Variants in KCNH8 observed in about 807,000 individuals in gnomAD.
KCNH8 encodes the protein voltage-gated delayed rectifier potassium channel KCNH8.
A neutral mutation model predicts 103.6 loss-of-function variants in KCNH8; 70 were observed. The ratio of observed to expected loss-of-function variants is 0.68; its 90% CI spans 0.56 to 0.82. The LOEUF (loss-of-function observed/expected upper bound fraction) is 0.82, where lower values mean the gene tolerates loss of function less well. Among genes scored for constraint, KCNH8 ranks in the 40% least tolerant of loss-of-function variants. KCNH8 has a pLI of 0.00. For synonymous variants in KCNH8, 498 were observed against 489.4 expected, an observed-to-expected ratio of 1.02 and a Z score of -0.23; for missense variants, 1,217 against 1,329.9, an observed-to-expected ratio of 0.92 and a Z score of 1.32.
chr3:19,468,106 T>G (rs934409827), intron 11 of KCNH8, among the ~76,000 whole-genome samples: 8 of 152,242 alleles, frequency 5.3e-5, no homozygotes, highest in African/African-American at 1.9e-4. Context: ...GTTTGTCTTT[T>G]TTCATGGCAT....
At chr3:19,397,549 A>G (rs183727891) in intron 7 of KCNH8, among the ~76,000 whole-genome samples, 22,205 of 150,066 alleles carry the variant, frequency 0.15, 1,795 homozygotes, top group East Asian at 0.32. Context: ...ATATATATAT[A>G]TGTGTGTATA....
At chr3:19,211,268 G>A (rs748072403) in intron 1 of KCNH8, among the ~76,000 whole-genome samples, 36 of 152,150 alleles carry the variant, frequency 2.4e-4, no homozygotes, top group Non-Finnish European at 4.9e-4. Context: ...ATGCCATGTA[G>A]AAGTGCATGA....
chr3:19,254,638 AGGGAGAAAT>A (rs2064324311), intron 2 of KCNH8, among the ~76,000 whole-genome samples: 2 of 152,162 alleles, frequency 1.3e-5, no homozygotes, highest in African/African-American at 4.8e-5. Flanking sequence ...TAAATTTAAG[AGGGAGAAAT>A]GGGAGAAATG....
chr3:19,321,932 T>G (rs1190482368), intron 3 of KCNH8, among the ~76,000 whole-genome samples: 2 of 152,172 alleles, frequency 1.3e-5, no homozygotes, highest in Admixed American at 6.5e-5. Flanking sequence ...CATTATATAA[T>G]GTCCTTCTTT....
intron 5 of KCNH8, among the ~76,000 whole-genome samples, chr3:19,371,473 T>C (rs1482464967): frequency 1.3e-5 from 2 of 149,652 alleles, no homozygotes; most frequent in Non-Finnish European, 1.5e-5. Context: ...TTTTTTCTTG[T>C]AAATTTGTTT....
At chr3:19,488,241 G>C (rs968786328) in intron 11 of KCNH8, among the ~76,000 whole-genome samples, 2 of 152,176 alleles carry the variant, frequency 1.3e-5, no homozygotes, top group Admixed American at 1.3e-4. Flanking sequence ...AAGTGTGGGC[G>C]ATTAGACTGG....
chr3:19,265,537 T>C (rs17005808), intron 2 of KCNH8, among the ~76,000 whole-genome samples: 2,094 of 152,134 alleles, frequency 0.014, 36 homozygotes, highest in Non-Finnish European at 0.015. Flanking sequence ...TCCCAGAGTG[T>C]TGGATCCTCA....
intron 1 of KCNH8, among the ~76,000 whole-genome samples, chr3:19,183,113 A>G (rs1204449100): frequency 1.3e-5 from 2 of 152,224 alleles, no homozygotes; most frequent in Non-Finnish European, 2.9e-5. Flanking sequence ...CATTCCCATT[A>G]AAATTTGGGA....
rs187310727 is a variant in KCNH8, at chr3:19,312,106, C to A, written c.443-30481C>A. On this transcript the variant is annotated intron_variant, in intron 3 of 15. Transcript: ENST00000328405. ...AAAATCTGTGGAATTAATATATTAA[C>A]CCAAAATTCATGCCAAGTATACTGC... Among the ~76,000 whole-genome samples the A allele has an allele frequency of 9.1e-3, 1,388 of 151,886 alleles. 82 individuals are homozygous for A. The highest frequency in any genetic ancestry group is 0.087 in the Admixed American group (1,314 of 15,190).
chr3:19,381,203 G>A (rs2066283726), intron 5 of KCNH8, among the ~76,000 whole-genome samples: 2 of 152,102 alleles, frequency 1.3e-5, no homozygotes, highest in South Asian at 2.1e-4. Flanking sequence ...ATAAGCCATT[G>A]GAACAAAATA....
At chr3:19,296,315 G>T (rs1309151499) in intron 3 of KCNH8, among the ~76,000 whole-genome samples, 1 of 152,192 alleles carries the variant, frequency 6.6e-6, no homozygotes, top group Non-Finnish European at 1.5e-5. Flanking sequence ...TGAAAATTTT[G>T]CCCAAGTATT....
chr3:19,503,324 T>C (rs1268561074), intron 11 of KCNH8, among the ~76,000 whole-genome samples: 1 of 152,122 alleles, frequency 6.6e-6, no homozygotes, highest in Non-Finnish European at 1.5e-5. Flanking sequence ...TTTTACACTG[T>C]TGGTGGGACT....
intron 1 of KCNH8, 34 bp downstream of exon 1, chr3:19,148,829 T>C: frequency 1.3e-6 from 2 of 1,572,162 alleles, no homozygotes; most frequent in South Asian, 1.1e-5. Context: ...GGTATGGCAT[T>C]TTCTGAGACT....
rs575625017 is a variant in KCNH8 at position 19,286,233 on chromosome 3, A to T, written c.442+4904A>T. ...ACTGATTCGTGTCACTCCCAAATGT[A>T]TATATTGAAGCCTTAACCCCCAGTT... On this transcript the variant is annotated intron_variant, in intron 3 of 15. Transcript: ENST00000328405. Among the ~76,000 whole-genome samples, 4 of 152,358 alleles carry T rather than the reference A, an allele frequency of 2.6e-5. No homozygotes were observed. In the South Asian group the frequency reaches 8.3e-4, roughly 32 times the overall value.
chr3:19,274,643 C>T (rs905068723), intron 2 of KCNH8, among the ~76,000 whole-genome samples: 2 of 151,944 alleles, frequency 1.3e-5, no homozygotes, highest in African/African-American at 4.8e-5. Context: ...TATTTTTGCA[C>T]CTGAAGTTTC....
intron 3 of KCNH8, among the ~76,000 whole-genome samples, chr3:19,287,114 A>T (rs987210179): frequency 1.3e-5 from 2 of 152,118 alleles, no homozygotes; most frequent in African/African-American, 4.8e-5. Context: ...ATGCAAAAAA[A>T]AAAAGGTCAT....
chr3:19,488,750 A>C (rs540381969), intron 11 of KCNH8, among the ~76,000 whole-genome samples: 1 of 151,976 alleles, frequency 6.6e-6, no homozygotes, highest in African/African-American at 2.4e-5. Flanking sequence ...TTGCAGCTGA[A>C]TCCTTATATA....
At chr3:19,373,726 G>C (rs1424500940) in intron 5 of KCNH8, among the ~76,000 whole-genome samples, 3 of 151,502 alleles carry the variant, frequency 2.0e-5, no homozygotes, top group Non-Finnish European at 2.9e-5. Flanking sequence ...GATCTTTCCT[G>C]CTTTCTCTTG....
intron 11 of KCNH8, among the ~76,000 whole-genome samples, chr3:19,460,909 T>C (rs1263564826): frequency 6.6e-6 from 1 of 152,148 alleles, no homozygotes; most frequent in African/African-American, 2.4e-5. Context: ...CCTGCTGCCA[T>C]GTAAAGAAGG....
Sources: gnomAD v4.1 joint callset for allele counts (sites outside exome capture counted in the v4.1 genomes callset) on GRCh38, gnomAD v4.1.1 for gene constraint, MANE v1.5 for transcripts, NCBI Gene and HGNC (gene_info 2026-07-23, HGNC 2026-07-21) for gene names.